The following CDH12 variants were observed in gnomAD, a reference collection of about 807,000 sequenced individuals.
CDH12 encodes the protein cadherin-12.
CDH12 carries 41 observed loss-of-function variants against 74.1 expected under a neutral mutation model. The observed-to-expected ratio is 0.55, with a 90% CI of 0.43 to 0.72. The LOEUF (loss-of-function observed/expected upper bound fraction) is 0.72. CDH12 is among the 30% of genes least tolerant of loss of function. The probability of loss-of-function intolerance (pLI) is 0.00; values close to 1 mark genes in which losing one functional copy is unlikely to be tolerated. For missense variants in CDH12, 945 were observed against 977.2 expected (o/e 0.97, Z 0.44); for synonymous variants, 399 against 355.0 (o/e 1.12, Z -1.39).
chr5:22,179,962 A>G (rs1369830077), intron 4 of CDH12, among the ~76,000 whole-genome samples: 6 of 152,246 alleles, frequency 3.9e-5, no homozygotes, highest in Non-Finnish European at 5.9e-5. Context: ...CGGTGACTTC[A>G]GAGTACTTGT....
intron 1 of CDH12, among the ~76,000 whole-genome samples, chr5:22,846,536 C>G (rs561299833): frequency 6.6e-6 from 1 of 152,006 alleles, no homozygotes; most frequent in Non-Finnish European, 1.5e-5. Flanking sequence ...AAGAATAAAA[C>G]CAGAAACTAA....
chr5:22,510,437 C>T (rs987207443), intron 1 of CDH12, among the ~76,000 whole-genome samples: 7 of 151,956 alleles, frequency 4.6e-5, no homozygotes, highest in African/African-American at 1.5e-4. Context: ...TATGTACGAA[C>T]GTTTCACTTA....
intron 6 of CDH12, among the ~76,000 whole-genome samples, chr5:21,869,689 GAA>G (rs1751515587): frequency 6.6e-6 from 1 of 152,026 alleles, no homozygotes; most frequent in Non-Finnish European, 1.5e-5. Context: ...TCAGGGGAAG[GAA>G]TTAAATTATT....
intron 1 of CDH12, among the ~76,000 whole-genome samples, chr5:22,644,520 T>TTTATAAAAAAAAA (rs1561548314): frequency 9.9e-5 from 15 of 151,932 alleles, no homozygotes; most frequent in Non-Finnish European, 1.9e-4. Context: ...GACAGATAAA[T>TTTATAAAAAAAAA]AAAAATTTTT....
intron 1 of CDH12, among the ~76,000 whole-genome samples, chr5:22,738,641 G>A (rs577910102): frequency 6.6e-6 from 1 of 152,064 alleles, no homozygotes; most frequent in African/African-American, 2.4e-5. Flanking sequence ...AAGGGGACAT[G>A]TTTAAAAATG....
rs150707080 is a variant in CDH12 at position 22,104,326 on chromosome 5, T to A, written c.-186-25464A>T. Among the ~76,000 whole-genome samples, 369 of 152,322 alleles carry A rather than the reference T, an allele frequency of 2.4e-3. 2 individuals are homozygous for A. The highest frequency in any genetic ancestry group is 8.4e-3 in the African/African-American group (350 of 41,584). ...ATAAAAATTAGTATCATCTGAAATG[T>A]TTTTGGATCAAAGTTCCACAAATGT... On this transcript the variant is annotated intron_variant, in intron 4 of 14. Coordinates refer to ENST00000382254, the MANE Select transcript of CDH12 (RefSeq NM_004061.5).
chr5:22,489,321 T>C (rs1283350656), intron 2 of CDH12, among the ~76,000 whole-genome samples: 1 of 151,922 alleles, frequency 6.6e-6, no homozygotes, highest in African/African-American at 2.4e-5. Flanking sequence ...CCTCCCAAAG[T>C]GCTGGGATTA....
chr5:21,922,560 G>T (rs1379255572), intron 6 of CDH12, among the ~76,000 whole-genome samples: 2 of 152,114 alleles, frequency 1.3e-5, no homozygotes, highest in African/African-American at 4.8e-5. Context: ...TTGCAAGAAA[G>T]TGCTCAGGTA....
At chr5:21,880,612 C>CTCTCTCTCTTTCTTTCTTTCT (rs1561268318) in intron 6 of CDH12, among the ~76,000 whole-genome samples, 2 of 69,930 alleles carry the variant, frequency 2.9e-5, no homozygotes, top group African/African-American at 1.3e-4. Context: ...TCCTTCCTTC[C>CTCTCTCTCTTTCTTTCTTTCT]TTCCTTCTTT....
chr5:22,709,444 T>C (rs1427784114), intron 1 of CDH12, among the ~76,000 whole-genome samples: 1 of 152,110 alleles, frequency 6.6e-6, no homozygotes, highest in African/African-American at 2.4e-5. Context: ...TGTCAGCAAT[T>C]TTGCAATCAA....
chr5:21,901,870 C>T (rs1435762666), intron 6 of CDH12, among the ~76,000 whole-genome samples: 3 of 151,288 alleles, frequency 2.0e-5, no homozygotes, highest in African/African-American at 7.3e-5. Flanking sequence ...ACAAGTTTTG[C>T]TCCAACTGTA....
intron 2 of CDH12, among the ~76,000 whole-genome samples, chr5:22,465,373 C>T (rs1745685308): frequency 1.3e-5 from 2 of 152,036 alleles, no homozygotes; most frequent in Admixed American, 1.3e-4. Context: ...CATGTCACAG[C>T]ATGGCTCATG....
At chr5:22,033,845 C>T (rs141743010) in intron 5 of CDH12, among the ~76,000 whole-genome samples, 8 of 152,254 alleles carry the variant, frequency 5.3e-5, no homozygotes, top group African/African-American at 1.7e-4. Context: ...CCTCACAGAG[C>T]CCTGTACTCT....
chr5:22,750,183 A>G lies in CDH12; in HGVS notation c.-523+102875T>C, dbSNP rs974406641. ...TGGATTTTTTTCTTTCCCTGGAGAG[A>G]TTAGGAAAGTGAACAAAGAGAAAAG... On this transcript the variant is annotated intron_variant, in intron 1 of 14. Coordinates refer to ENST00000382254, the MANE Select transcript of CDH12 (RefSeq NM_004061.5). Among the ~76,000 whole-genome samples the G allele has an allele frequency of 3.3e-5, 5 of 152,252 alleles. 1 individual carries two copies. In the South Asian group the frequency reaches 8.3e-4, roughly 25 times the overall value.
At position 21,783,497 on chromosome 5, in the gene CDH12, G is replaced by C; in HGVS notation, c.1257-3C>G. The C allele has an allele frequency of 6.2e-7, 1 of 1,600,560 alleles. No homozygotes were observed. ...CACTCTTCCAATCTATGAAGTACCTGTATATGAAAAGAGTAGATGCAAATG... is the reference window on the plus strand; with the variant it reads ...CACTCTTCCAATCTATGAAGTACCTCTATATGAAAAGAGTAGATGCAAATG... On this transcript the variant is annotated splice_region_variant and splice_polypyrimidine_tract_variant and intron_variant, in intron 10 of 14. Transcript: ENST00000382254.
rs191629894 is a variant in CDH12, at chr5:22,291,997, T to C, written c.-332-79354A>G. Among the ~76,000 whole-genome samples, 372 of 152,156 alleles carry C rather than the reference T, an allele frequency of 2.4e-3. 3 individuals are homozygous for C. The highest frequency in any genetic ancestry group is 8.8e-3 in the African/African-American group (366 of 41,534). On this transcript the variant is annotated intron_variant, in intron 3 of 14. Transcript: ENST00000382254. ...TAAACAAAACAGCATGGTACTGGCA[T>C]AAAAAGAGACTCAAAAACTAATGGA...
chr5:22,741,929 C>T (rs1215793081), intron 1 of CDH12, among the ~76,000 whole-genome samples: 1 of 152,034 alleles, frequency 6.6e-6, no homozygotes, highest in Non-Finnish European at 1.5e-5. Flanking sequence ...GCCTGTAATC[C>T]CAGCACTTTG....
chr5:22,733,373 T>C (rs1744528517), intron 1 of CDH12, among the ~76,000 whole-genome samples: 1 of 151,496 alleles, frequency 6.6e-6, no homozygotes, highest in African/African-American at 2.4e-5. Context: ...GGAGCAAAAT[T>C]CAAAAAATAT....
chr5:22,048,463 A>G (rs1341277328), intron 5 of CDH12, among the ~76,000 whole-genome samples: 2 of 152,136 alleles, frequency 1.3e-5, no homozygotes, highest in Admixed American at 1.3e-4. Context: ...TGTTCTGGGC[A>G]TTTGCCACTA....
Sources: allele counts gnomAD v4.1 joint callset (sites outside exome capture counted in the v4.1 genomes callset), GRCh38; gene constraint gnomAD v4.1.1; transcripts MANE v1.5; gene names NCBI Gene and HGNC (gene_info 2026-07-23, HGNC 2026-07-21).